The following RGS6 variants were observed in gnomAD, a reference collection of about 807,000 sequenced individuals.
The protein encoded by RGS6 is regulator of G-protein signaling 6.
RGS6 carries 30 observed loss-of-function variants against 78.5 expected under a neutral mutation model. The ratio of observed to expected loss-of-function variants is 0.38; its 90% CI spans 0.29 to 0.52. The LOEUF (loss-of-function observed/expected upper bound fraction) is 0.52, where lower values mean the gene tolerates loss of function less well. RGS6 is among the 20% of genes least tolerant of loss of function. The pLI is 0.85. For missense variants in RGS6, 495 were observed against 609.7 expected, an observed-to-expected ratio of 0.81 and a Z score of 1.98; for synonymous variants, 206 against 206.0, an observed-to-expected ratio of 1.00 and a Z score of 0.00.
intron 2 of RGS6, among the ~76,000 whole-genome samples, chr14:72,001,708 G>A (rs544975085): frequency 2.0e-5 from 3 of 152,088 alleles, no homozygotes; most frequent in South Asian, 2.1e-4. Context: ...TGCTAGAAGA[G>A]ATAACTTGAA....
At chr14:72,053,058 T>TTCCCTCCCTC (rs1177711798) in intron 2 of RGS6, among the ~76,000 whole-genome samples, 1 of 2,910 alleles carries the variant, frequency 3.4e-4, no homozygotes, top group Non-Finnish European at 6.2e-4. Context: ...CCTCCCTCCC[T>TTCCCTCCCTC]CCCTCCCTCC....
the RGS6 span, chr14:72,612,531 C>A: frequency 1.9e-6 from 1 of 518,760 alleles, no homozygotes. Context: ...TTGCTTCCCA[C>A]TTCCCACCTC....
chr14:71,916,511 C>T, the RGS6 span, among the ~76,000 whole-genome samples: 1 of 152,132 alleles, frequency 6.6e-6, no homozygotes, highest in Non-Finnish European at 1.5e-5. Flanking sequence ...GAAATGAATC[C>T]TCTGTGCTTT....
intron 2 of RGS6, among the ~76,000 whole-genome samples, chr14:72,157,510 A>G (rs2096789640): frequency 6.6e-6 from 1 of 152,214 alleles, no homozygotes; most frequent in Non-Finnish European, 1.5e-5. Flanking sequence ...TTTCTGAGAG[A>G]TGATTTCCCA....
intron 2 of RGS6, among the ~76,000 whole-genome samples, chr14:72,259,132 C>T (rs982776978): frequency 6.6e-6 from 1 of 152,130 alleles, no homozygotes; most frequent in African/African-American, 2.4e-5. Flanking sequence ...ACTGGCAGTC[C>T]ACCAGTGTCA....
chr14:72,415,340 A>G (rs1053165374), intron 3 of RGS6, among the ~76,000 whole-genome samples: 1 of 152,266 alleles, frequency 6.6e-6, no homozygotes, highest in African/African-American at 2.4e-5. Context: ...TCTCCAAGCC[A>G]GGTGCAGGAT....
chr14:72,426,407 G>A (rs574989845), intron 3 of RGS6, among the ~76,000 whole-genome samples: 17 of 152,350 alleles, frequency 1.1e-4, no homozygotes, highest in African/African-American at 3.8e-4. Flanking sequence ...CCATTAGGCC[G>A]TTGTTGGCCT....
At chr14:72,316,915 G>GTGTA (rs1215917361) in intron 2 of RGS6, among the ~76,000 whole-genome samples, 1 of 151,782 alleles carries the variant, frequency 6.6e-6, no homozygotes, top group African/African-American at 2.4e-5. Flanking sequence ...GTGTGTGTGT[G>GTGTA]TGTGTGTGTG....
intron 2 of RGS6, among the ~76,000 whole-genome samples, chr14:72,345,596 A>C (rs968239480): frequency 6.6e-6 from 1 of 152,008 alleles, no homozygotes; most frequent in Admixed American, 6.6e-5. Flanking sequence ...TTCACTTCCA[A>C]CCTCCTTGGA....
intron 2 of RGS6, among the ~76,000 whole-genome samples, chr14:72,068,271 A>T (rs567620588): frequency 6.6e-6 from 1 of 150,766 alleles, no homozygotes; most frequent in African/African-American, 2.4e-5. Flanking sequence ...AGTAGCTGGG[A>T]CTACAGGCAT....
At chr14:72,540,539 C>T (rs1317124410) in intron 17 of RGS6, 20 of 1,575,248 alleles carry the variant, frequency 1.3e-5, no homozygotes, top group South Asian at 4.4e-5. Flanking sequence ...CTGGCAGTCA[C>T]GCCGGTGTGG....
At chr14:71,924,746 A>G in the RGS6 span, among the ~76,000 whole-genome samples, 1 of 152,246 alleles carries the variant, frequency 6.6e-6, no homozygotes, top group Non-Finnish European at 1.5e-5. Context: ...AGCCTGAATA[A>G]TATTCCATGT....
In RGS6 at chr14:72,391,008, G is replaced by T. The variant is rs756306084; in HGVS notation, c.184+38814G>T. ...AGGGTTGTGACCAGAGCTTACAAGG[G>T]TGTTGTCCTGGGCTGGAAGCAGAGA... On this transcript the variant is annotated intron_variant, in intron 3 of 17. Coordinates refer to ENST00000553525, the MANE Select transcript of RGS6 (RefSeq NM_001204424.2). Among the ~76,000 whole-genome samples, 13 of 152,158 alleles carry T rather than the reference G, an allele frequency of 8.5e-5. 1 individual carries two copies. Among genetic ancestry groups the T allele is most frequent in the Non-Finnish European group, 1.8e-4 (12 of 68,016 alleles).
In RGS6 at chr14:72,127,634, A is replaced by G. The variant is rs74343404; in HGVS notation, c.84+162759A>G. Reference sequence around the variant, plus strand: ...AAAAAAACCATTTAATTTTGAGGCAATTGTAGTTATTTCTTGCAGTTGCAA... The same window carrying G: ...AAAAAAACCATTTAATTTTGAGGCAGTTGTAGTTATTTCTTGCAGTTGCAA... On this transcript the variant is annotated intron_variant, in intron 2 of 17. Transcript: ENST00000553525. Among the ~76,000 whole-genome samples, 362 of 152,304 alleles carry G rather than the reference A, an allele frequency of 2.4e-3. 1 individual carries two copies. The highest frequency in any genetic ancestry group is 8.1e-3 in the African/African-American group (338 of 41,582).
chr14:72,374,809 C>T (rs182361919), intron 3 of RGS6, among the ~76,000 whole-genome samples: 2 of 152,274 alleles, frequency 1.3e-5, no homozygotes, highest in African/African-American at 4.8e-5. Context: ...AAGCTGGTAA[C>T]TATCTGCAGT....
intron 6 of RGS6, among the ~76,000 whole-genome samples, chr14:72,461,150 A>G (rs1023091296): frequency 7.9e-5 from 12 of 152,192 alleles, no homozygotes; most frequent in Admixed American, 7.9e-4. Flanking sequence ...TCTGGGGCTG[A>G]AAAGACTGCT....
At chr14:72,503,547 T>G (rs1433456370) in intron 13 of RGS6, among the ~76,000 whole-genome samples, 1 of 151,514 alleles carries the variant, frequency 6.6e-6, no homozygotes, top group East Asian at 1.9e-4. Flanking sequence ...GTGGGAGAGG[T>G]ATAGGATAGA....
At chr14:72,206,122 G>A (rs889030353) in intron 2 of RGS6, among the ~76,000 whole-genome samples, 2 of 152,016 alleles carry the variant, frequency 1.3e-5, no homozygotes, top group Non-Finnish European at 2.9e-5. Flanking sequence ...AATAGACCAG[G>A]TAAATCAATT....
At chr14:72,344,146 C>T (rs989721480) in intron 2 of RGS6, among the ~76,000 whole-genome samples, 3 of 152,056 alleles carry the variant, frequency 2.0e-5, no homozygotes, top group African/African-American at 7.2e-5. Context: ...GCCATTTGAT[C>T]TCAGACTTAG....
Sources: gnomAD v4.1 joint callset for allele counts (sites outside exome capture counted in the v4.1 genomes callset) on GRCh38, gnomAD v4.1.1 for gene constraint, MANE v1.5 for transcripts, NCBI Gene and HGNC (gene_info 2026-07-23, HGNC 2026-07-21) for gene names.